Variants in CRADD observed in about 807,000 individuals in gnomAD.
CRADD encodes CARD and death domain containing adaptor protein.
A neutral mutation model predicts 15.5 loss-of-function variants in CRADD; 9 were observed. That is an observed-to-expected ratio of 0.58 (90% CI 0.35 to 1.01). The LOEUF (loss-of-function observed/expected upper bound fraction) is 1.01, where lower values mean the gene tolerates loss of function less well. CRADD is among the 50% of genes least tolerant of loss of function. CRADD has a pLI of 0.02. For missense variants in CRADD, 227 were observed against 250.3 expected (o/e 0.91, Z 0.63); for synonymous variants, 118 against 107.6 (o/e 1.10, Z -0.60).
Position 93,843,460 on chromosome 12 carries a change from A to G in CRADD, c.299-6510A>G, listed in dbSNP as rs182559156. 6.1e-5 allele frequency among the ~76,000 whole-genome samples: 9 copies of G among 148,462 alleles called. No individual in the cohort carries two copies. The East Asian group carries it at 1.6e-3, about 26-fold the overall frequency. On this transcript the variant is annotated intron_variant, in intron 2 of 2. Coordinates refer to ENST00000332896, the MANE Select transcript of CRADD (RefSeq NM_003805.5). ...CAGTGGCGTGATCTCGCTCACTGCA[A>G]CCTCCGCCTCCCAGAGTCAAACAAT...
chr12:93,838,942 A>AT (rs565568874), intron 2 of CRADD, among the ~76,000 whole-genome samples: 54 of 144,362 alleles, frequency 3.7e-4, no homozygotes, highest in South Asian at 2.2e-3. Context: ...TTTTGTATTA[A>AT]TTTTTTTTTT....
chr12:93,859,241 G>T (rs1958299862), intron 2 of CRADD: 1 of 442,072 alleles, frequency 2.3e-6, no homozygotes, highest in Non-Finnish European at 4.5e-6. Context: ...AAATGAAATT[G>T]TTTTAAATTG....
chr12:93,703,109 A>G (rs562604819), intron 2 of CRADD, among the ~76,000 whole-genome samples: 1 of 152,246 alleles, frequency 6.6e-6, no homozygotes, highest in East Asian at 1.9e-4. Flanking sequence ...TGTGTTCTTG[A>G]GTGTGGAAGA....
intron 2 of CRADD, among the ~76,000 whole-genome samples, chr12:93,838,782 T>TCTGGCTCTTTCACCCAAG (rs1958013074): frequency 6.6e-6 from 1 of 151,864 alleles, no homozygotes; most frequent in Admixed American, 6.6e-5. Flanking sequence ...TGAGACAGAG[T>TCTGGCTCTTTCACCCAAG]CTGGCTCTTT....
At chr12:93,682,156 G>A (rs562070283) in intron 2 of CRADD, among the ~76,000 whole-genome samples, 22 of 152,148 alleles carry the variant, frequency 1.4e-4, no homozygotes, top group African/African-American at 4.3e-4. Flanking sequence ...TCAATTTAAC[G>A]TCCCTATAAA....
intron 2 of CRADD, among the ~76,000 whole-genome samples, chr12:93,866,554 T>G (rs187789674): frequency 6.6e-6 from 1 of 152,338 alleles, no homozygotes; most frequent in African/African-American, 2.4e-5. Context: ...TTAATCTCTT[T>G]GTTTTTAGTC....
chr12:93,851,151 TG>T (rs751901880), downstream of CRADD, among the ~76,000 whole-genome samples: 33 of 152,284 alleles, frequency 2.2e-4, no homozygotes, highest in Middle Eastern at 3.4e-3. Flanking sequence ...CAATAGCACA[TG>T]GTGTTTATAG....
chr12:93,802,319 TG>T (rs1957484993), intron 2 of CRADD, among the ~76,000 whole-genome samples: 1 of 152,242 alleles, frequency 6.6e-6, no homozygotes, highest in Non-Finnish European at 1.5e-5. Context: ...AGGGTAAAAG[TG>T]TTTCCTTTTA....
chr12:93,726,195 C>T (rs1956364548), intron 2 of CRADD, among the ~76,000 whole-genome samples: 1 of 150,708 alleles, frequency 6.6e-6, no homozygotes, highest in Non-Finnish European at 1.5e-5. Flanking sequence ...CCTTCGCCTC[C>T]CAGGTTCAAG....
chr12:93,779,148 T>G (rs1957172196), intron 2 of CRADD, among the ~76,000 whole-genome samples: 1 of 152,190 alleles, frequency 6.6e-6, no homozygotes, highest in South Asian at 2.1e-4. Flanking sequence ...GATGAGGACT[T>G]TAATTCTACC....
chr12:93,830,830 C>G (rs1957888203), intron 2 of CRADD, among the ~76,000 whole-genome samples: 2 of 152,178 alleles, frequency 1.3e-5, no homozygotes, highest in Non-Finnish European at 2.9e-5. Flanking sequence ...CGTGTTGAAG[C>G]CTAAGTTTCA....
chr12:93,711,905 G>A (rs1321083071), intron 2 of CRADD, among the ~76,000 whole-genome samples: 1 of 152,084 alleles, frequency 6.6e-6, no homozygotes, highest in Non-Finnish European at 1.5e-5. Flanking sequence ...ACAGGCGTGA[G>A]CCACCACTCC....
chr12:93,718,638 C>A (rs1284850983), intron 2 of CRADD, among the ~76,000 whole-genome samples: 1 of 152,116 alleles, frequency 6.6e-6, no homozygotes, highest in African/African-American at 2.4e-5. Flanking sequence ...AATCTACATA[C>A]CTTTTGTTTC....
chr12:93,845,518 G>T (rs1381755224), intron 2 of CRADD, among the ~76,000 whole-genome samples: 5 of 151,908 alleles, frequency 3.3e-5, no homozygotes, highest in African/African-American at 4.8e-5. Context: ...GAGGCCAGGA[G>T]TTTGAGACCA....
At chr12:93,853,748 G>A (rs1290043889), downstream of CRADD, among the ~76,000 whole-genome samples, 2 of 152,180 alleles carry the variant, frequency 1.3e-5, no homozygotes, top group Non-Finnish European at 2.9e-5. Context: ...CGTGTTCTGG[G>A]AGGGCAAATG....
intron 2 of CRADD, among the ~76,000 whole-genome samples, chr12:93,828,302 T>A (rs548223610): frequency 1.3e-5 from 2 of 152,390 alleles, no homozygotes; most frequent in East Asian, 3.8e-4. Context: ...GCAGAAGTTT[T>A]AAATTTTGAT....
At chr12:93,823,163 G>T (rs1006814511) in intron 2 of CRADD, among the ~76,000 whole-genome samples, 1 of 152,058 alleles carries the variant, frequency 6.6e-6, no homozygotes, top group African/African-American at 2.4e-5. Context: ...GTGGTGGCAG[G>T]TGCCTGTAAT....
chr12:93,714,226 T>A (rs1198178831), intron 2 of CRADD, among the ~76,000 whole-genome samples: 2 of 152,198 alleles, frequency 1.3e-5, no homozygotes, highest in Non-Finnish European at 2.9e-5. Context: ...TGAGGTTGTT[T>A]AGAGGGAGAT....
intron 2 of CRADD, among the ~76,000 whole-genome samples, chr12:93,729,509 A>G (rs1204883025): frequency 1.3e-5 from 2 of 152,210 alleles, no homozygotes; most frequent in Middle Eastern, 3.2e-3. Context: ...TCTTACAGCC[A>G]GCCACGGTGG....
Sources: gnomAD v4.1 joint callset for allele counts (sites outside exome capture counted in the v4.1 genomes callset) on GRCh38, gnomAD v4.1.1 for gene constraint, MANE v1.5 for transcripts, NCBI Gene and HGNC (gene_info 2026-07-23, HGNC 2026-07-21) for gene names.